Variants in PPP3CA observed in about 807,000 individuals in gnomAD.
PPP3CA encodes the protein protein phosphatase 3 catalytic subunit alpha.
Under a neutral mutation model 66.5 loss-of-function variants are expected in PPP3CA, and 14 were observed. The ratio of observed to expected loss-of-function variants is 0.21; its 90% CI spans 0.14 to 0.33. The LOEUF is 0.33. Ranked by LOEUF, PPP3CA falls within the 10% of genes least tolerant of loss-of-function variation. The pLI, the probability that PPP3CA is intolerant of heterozygous loss-of-function variation, is 1.00. For missense variants in PPP3CA, 317 were observed against 639.5 expected (o/e 0.50, Z 5.44); for synonymous variants, 232 against 226.2 (o/e 1.03, Z -0.23).
intron 1 of PPP3CA, among the ~76,000 whole-genome samples, chr4:101,323,427 A>G (rs1332112779): frequency 1.3e-5 from 2 of 152,210 alleles, no homozygotes; most frequent in African/African-American, 4.8e-5. Context: ...TGTACGTGTG[A>G]TGAGTGTTAC....
chr4:101,050,129 TTAAATATATTATTA>T (rs1727945042), intron 10 of PPP3CA, among the ~76,000 whole-genome samples: 1 of 152,076 alleles, frequency 6.6e-6, no homozygotes, highest in Non-Finnish European at 1.5e-5. Flanking sequence ...TTAACATCAC[TTAAATATATTATTA>T]TAAATATATT....
intron 1 of PPP3CA, among the ~76,000 whole-genome samples, chr4:101,298,921 C>A (rs1219066089): frequency 6.6e-6 from 1 of 150,640 alleles, no homozygotes; most frequent in Non-Finnish European, 1.5e-5. Context: ...TGGGGATATG[C>A]TCTGAGAAAT....
chr4:101,143,159 T>C (rs1028634078), intron 2 of PPP3CA, among the ~76,000 whole-genome samples: 1 of 152,164 alleles, frequency 6.6e-6, no homozygotes, highest in Non-Finnish European at 1.5e-5. Flanking sequence ...CTACTTCCTA[T>C]GTCACGTCAC....
chr4:101,118,956 A>ATTTT (rs201507463), intron 2 of PPP3CA, among the ~76,000 whole-genome samples: 4,649 of 129,780 alleles, frequency 0.036, 305 homozygotes, highest in African/African-American at 0.13. Context: ...GAACTTACAG[A>ATTTT]TTTTTTTTTT....
Position 101,090,936 on chromosome 4 carries a change from C to G in PPP3CA, c.782+2840G>C, listed in dbSNP as rs998301559. On this transcript the variant is annotated intron_variant, in intron 6 of 13. Coordinates refer to ENST00000394854, the MANE Select transcript of PPP3CA (RefSeq NM_000944.5). ...TTATAATATACACACATATCTGTGT[C>G]TATATTATAATATACACACATATCT... Among the ~76,000 whole-genome samples, 81 of 133,566 alleles carry G rather than the reference C, an allele frequency of 6.1e-4. 5 individuals carry two copies. Among genetic ancestry groups the G allele is most frequent in the Admixed American group, 7.2e-5 (1 of 13,946 alleles). The allele number at this position is 133,566 out of a possible 152,430, so 87.6% of individuals were successfully genotyped here. A position where few individuals can be genotyped will look rare whatever the true frequency, so the allele number is the denominator to read the frequency against.
intron 10 of PPP3CA, among the ~76,000 whole-genome samples, chr4:101,044,010 T>G (rs1727652722): frequency 6.6e-6 from 1 of 152,194 alleles, no homozygotes. Context: ...TCTCTAAATG[T>G]TTTATCCTGA....
intron 1 of PPP3CA, among the ~76,000 whole-genome samples, chr4:101,234,466 T>C (rs1726063818): frequency 6.6e-6 from 1 of 151,930 alleles, no homozygotes; most frequent in African/African-American, 2.4e-5. Flanking sequence ...GGTTTTGATT[T>C]GCATTTCTCT....
chr4:101,088,065 C>G (rs1729746164), intron 6 of PPP3CA, among the ~76,000 whole-genome samples: 1 of 152,198 alleles, frequency 6.6e-6, no homozygotes, highest in Admixed American at 6.5e-5. Context: ...GTCCCTTGAA[C>G]CTAATCCATT....
intron 1 of PPP3CA, among the ~76,000 whole-genome samples, chr4:101,324,155 A>AAG (rs1234727273): frequency 2.3e-3 from 32 of 13,948 alleles, no homozygotes; most frequent in African/African-American, 5.8e-3. Context: ...GAAGGGAGGG[A>AAG]GGAAGGAAGG....
intron 1 of PPP3CA, among the ~76,000 whole-genome samples, chr4:101,330,768 A>G (rs948292730): frequency 9.8e-5 from 15 of 152,316 alleles, no homozygotes; most frequent in Admixed American, 4.6e-4. Flanking sequence ...ACAGTGTACA[A>G]TAACTAGCAC....
At chr4:101,124,782 AG>A (rs1722189230) in intron 2 of PPP3CA, among the ~76,000 whole-genome samples, 1 of 131,180 alleles carries the variant, frequency 7.6e-6, no homozygotes, top group African/African-American at 3.3e-5. Context: ...AAAGAAAGAA[AG>A]AAAGAAAGAA....
chr4:101,301,748 C>T (rs1401845959), intron 1 of PPP3CA, among the ~76,000 whole-genome samples: 1 of 149,372 alleles, frequency 6.7e-6, no homozygotes, highest in Non-Finnish European at 1.5e-5. Context: ...GCCTCAGCCT[C>T]CCAAAGTGCT....
At chr4:101,090,641 CAAAAAAA>C (rs1218660976) in intron 6 of PPP3CA, among the ~76,000 whole-genome samples, 1 of 65,646 alleles carries the variant, frequency 1.5e-5, no homozygotes, top group Non-Finnish European at 2.9e-5. Flanking sequence ...GACTCTGTCT[CAAAAAAA>C]AAAAAAAAAA....
chr4:101,299,390 G>GT (rs201679318), intron 1 of PPP3CA, among the ~76,000 whole-genome samples: 1,575 of 139,858 alleles, frequency 0.011, 23 homozygotes, highest in African/African-American at 0.036. Context: ...TGTTTTTTGG[G>GT]TTTTTTTTTT....
intron 1 of PPP3CA, among the ~76,000 whole-genome samples, chr4:101,291,213 T>C (rs1728013185): frequency 6.6e-6 from 1 of 152,222 alleles, no homozygotes; most frequent in African/African-American, 2.4e-5. Context: ...TGGGTCAAAA[T>C]AATTTCCTGC....
intron 2 of PPP3CA, among the ~76,000 whole-genome samples, chr4:101,180,330 G>A (rs1724195022): frequency 6.6e-6 from 1 of 152,028 alleles, no homozygotes; most frequent in South Asian, 2.1e-4. Flanking sequence ...CATGATCTAA[G>A]AATTGGTAAA....
At chr4:101,244,067 C>CT (rs1726398536) in intron 1 of PPP3CA, among the ~76,000 whole-genome samples, 1 of 152,156 alleles carries the variant, frequency 6.6e-6, no homozygotes, top group African/African-American at 2.4e-5. Context: ...ATTGACTTGC[C>CT]TATGCCAAAG....
At chr4:101,067,917 G>A (rs1033053446) in intron 8 of PPP3CA, among the ~76,000 whole-genome samples, 7 of 151,890 alleles carry the variant, frequency 4.6e-5, no homozygotes, top group Admixed American at 3.9e-4. Flanking sequence ...AACCACACAT[G>A]GACTAAGCAC....
intron 1 of PPP3CA, among the ~76,000 whole-genome samples, chr4:101,307,293 G>A (rs1578651200): frequency 6.6e-6 from 1 of 152,080 alleles, no homozygotes. Context: ...TGTGATTACA[G>A]ATTAAGTTTT....
Sources: gnomAD v4.1 joint callset for allele counts (sites outside exome capture counted in the v4.1 genomes callset) on GRCh38, gnomAD v4.1.1 for gene constraint, MANE v1.5 for transcripts, NCBI Gene and HGNC (gene_info 2026-07-23, HGNC 2026-07-21) for gene names.